The following TACC1 variants were observed in gnomAD, a reference collection of about 807,000 sequenced individuals.
The protein encoded by TACC1 is transforming acidic coiled-coil containing protein 1.
Under a neutral mutation model 84.4 loss-of-function variants are expected in TACC1, and 48 were observed. The ratio of observed to expected loss-of-function variants is 0.57; its 90% CI spans 0.45 to 0.72. The LOEUF (loss-of-function observed/expected upper bound fraction) is 0.72, where lower values mean the gene tolerates loss of function less well. Among genes scored for constraint, TACC1 ranks in the 30% least tolerant of loss-of-function variants. The probability of loss-of-function intolerance (pLI) is 0.00; values close to 1 mark genes in which losing one functional copy is unlikely to be tolerated. For missense variants in TACC1, 920 were observed against 973.0 expected (o/e 0.95, Z 0.72); for synonymous variants, 372 against 376.3 (o/e 0.99, Z 0.13).
At chr8:38,823,778 T>C (rs868372872) in intron 3 of TACC1, among the ~76,000 whole-genome samples, 2 of 152,264 alleles carry the variant, frequency 1.3e-5, no homozygotes, top group Non-Finnish European at 2.9e-5. Context: ...TGAGTGTTTC[T>C]ACCAGTCTCC....
At chr8:38,729,785 C>T (rs968890330) in intron 1 of TACC1, among the ~76,000 whole-genome samples, 2 of 152,166 alleles carry the variant, frequency 1.3e-5, no homozygotes, top group African/African-American at 4.8e-5. Flanking sequence ...AGGAGAATTA[C>T]TTGAACCCGG....
Position 38,781,972 on chromosome 8 carries a change from ATCTT to A in TACC1, c.27-6730_27-6727del, listed in dbSNP as rs550878182. Among the ~76,000 whole-genome samples the A allele has an allele frequency of 2.8e-4, 42 of 149,816 alleles. No homozygotes were observed. In the East Asian group the frequency reaches 7.0e-3, roughly 25 times the overall value. On this transcript the variant is annotated intron_variant, in intron 3 of 14. Coordinates refer to the TACC1 transcript ENST00000518415. ...TTATTTATTTTTTACATTCTTGTAAATCTTTATTTTTTTTATTTTTTATTATTTT... is the reference window on the plus strand; with the variant it reads ...TTATTTATTTTTTACATTCTTGTAAATATTTTTTTTATTTTTTATTATTTT...
chr8:38,730,036 C>T (rs1310688955), intron 1 of TACC1, among the ~76,000 whole-genome samples: 1 of 152,268 alleles, frequency 6.6e-6, no homozygotes, highest in African/African-American at 2.4e-5. Context: ...ACTTTTATGT[C>T]GAGGTTCCCA....
chr8:38,730,237 C>A (rs1804653989), intron 1 of TACC1, among the ~76,000 whole-genome samples: 1 of 152,232 alleles, frequency 6.6e-6, no homozygotes, highest in African/African-American at 2.4e-5. Flanking sequence ...CCTAGGGAAC[C>A]CGCTGGAGGT....
At chr8:38,831,491 ATTG>A (rs1261635173) in intron 6 of TACC1, among the ~76,000 whole-genome samples, 6 of 151,994 alleles carry the variant, frequency 3.9e-5, no homozygotes, top group African/African-American at 1.2e-4. Context: ...TATCATTATT[ATTG>A]TTGTTATTAT....
At chr8:38,817,087 C>T (rs189474135) in intron 2 of TACC1, among the ~76,000 whole-genome samples, 5 of 152,256 alleles carry the variant, frequency 3.3e-5, no homozygotes, top group East Asian at 1.9e-4. Context: ...AGACAAAATA[C>T]GTATTTTTAT....
intron 2 of TACC1, among the ~76,000 whole-genome samples, chr8:38,743,843 C>T (rs1175230420): frequency 6.6e-6 from 1 of 152,112 alleles, no homozygotes; most frequent in Non-Finnish European, 1.5e-5. Flanking sequence ...GCTATGATTA[C>T]ACCACTGCAC....
intron 2 of TACC1, among the ~76,000 whole-genome samples, chr8:38,818,046 G>A (rs1268828615): frequency 1.3e-5 from 2 of 151,352 alleles, no homozygotes; most frequent in Non-Finnish European, 2.9e-5. Context: ...GGGCAACTTG[G>A]CTGTCCTGTC....
At chr8:38,844,685 A>G (rs1831881992) in intron 11 of TACC1, among the ~76,000 whole-genome samples, 1 of 152,136 alleles carries the variant, frequency 6.6e-6, no homozygotes, top group Admixed American at 6.5e-5. Flanking sequence ...CAAGTTTATC[A>G]TTTGTCTTTT....
Position 38,848,081 on chromosome 8 carries a change from A to T in TACC1, c.*58A>T. 1 of 1,510,420 alleles carries T rather than the reference A, an allele frequency of 6.6e-7. No homozygotes were observed. The highest frequency in any genetic ancestry group is 1.8e-5 in the Admixed American group (1 of 55,414). The allele number at this position is 1,510,420 out of a possible 1,614,324, so 93.6% of individuals were successfully genotyped here. On this transcript the variant is annotated 3_prime_UTR_variant, in exon 13 of 13. Transcript: ENST00000317827. The stretch of plus-strand genomic sequence containing the variant: ...TTTGGCTGCTTCTCTTGTGACCACA[A>T]TTATCTTGCCTTATCCAGGAATAAT...
At chr8:38,783,098 C>CTATATA (rs1462143679), upstream of TACC1, among the ~76,000 whole-genome samples, 8 of 116,380 alleles carry the variant, frequency 6.9e-5, no homozygotes, top group African/African-American at 1.8e-4. Flanking sequence ...ATCTATCTAT[C>CTATATA]TATCTATCTA....
chr8:38,842,248 T>G (rs1563964211), intron 9 of TACC1, 39 bp from the exon 10 acceptor site: 3 of 1,593,526 alleles, frequency 1.9e-6, no homozygotes, highest in Admixed American at 1.8e-5. Context: ...GTCTATTTTT[T>G]GAATAAATAT....
chr8:38,747,353 G>C (rs1427139096), intron 3 of TACC1, among the ~76,000 whole-genome samples: 1 of 152,138 alleles, frequency 6.6e-6, no homozygotes, highest in Non-Finnish European at 1.5e-5. Flanking sequence ...TTACTCCTGG[G>C]TATTTACCCA....
intron 6 of TACC1, among the ~76,000 whole-genome samples, chr8:38,832,888 A>G (rs569461389): frequency 1.4e-4 from 22 of 152,368 alleles, no homozygotes; most frequent in African/African-American, 5.3e-4. Context: ...CACGGGAATC[A>G]GTGGCATCTG....
At chr8:38,778,765 G>A (rs769346111) in intron 3 of TACC1, among the ~76,000 whole-genome samples, 9 of 152,108 alleles carry the variant, frequency 5.9e-5, no homozygotes, top group Non-Finnish European at 1.3e-4. Flanking sequence ...TCCCAGATGG[G>A]GAGAGGCTCC....
intron 3 of TACC1, among the ~76,000 whole-genome samples, chr8:38,780,921 T>A (rs1815821031): frequency 6.6e-6 from 1 of 152,252 alleles, no homozygotes. Flanking sequence ...CCCATCTTTT[T>A]ATTTCTTAGA....
At chr8:38,765,335 C>A (rs189790410) in intron 3 of TACC1, among the ~76,000 whole-genome samples, 12 of 152,304 alleles carry the variant, frequency 7.9e-5, no homozygotes, top group Middle Eastern at 3.4e-3. Flanking sequence ...TCCCCTCCAA[C>A]CTGTGTGCTA....
At chr8:38,747,230 A>C (rs1205856631) in intron 3 of TACC1, among the ~76,000 whole-genome samples, 2 of 152,258 alleles carry the variant, frequency 1.3e-5, no homozygotes, top group Non-Finnish European at 2.9e-5. Context: ...GTGGAACAAC[A>C]GAAACTGTCA....
chr8:38,798,474 T>C (rs530487878), intron 2 of TACC1, among the ~76,000 whole-genome samples: 10 of 152,080 alleles, frequency 6.6e-5, no homozygotes, highest in Non-Finnish European at 1.5e-4. Context: ...AGAACAGCAG[T>C]GTAGCTGGTG....
Sources: gnomAD v4.1 joint callset for allele counts (sites outside exome capture counted in the v4.1 genomes callset) on GRCh38, gnomAD v4.1.1 for gene constraint, MANE v1.5 for transcripts, NCBI Gene and HGNC (gene_info 2026-07-23, HGNC 2026-07-21) for gene names.